Variants in CCDC150 observed in about 807,000 individuals in gnomAD.
The protein encoded by CCDC150 is coiled-coil domain-containing protein 150.
CCDC150 carries 151 observed loss-of-function variants against 156.5 expected under a neutral mutation model. That is an observed-to-expected ratio of 0.97 (90% CI 0.85 to 1.10). The LOEUF (loss-of-function observed/expected upper bound fraction) is 1.10. Among genes scored for constraint, CCDC150 ranks in the 50% least tolerant of loss-of-function variants. The pLI is 0.00. For synonymous variants in CCDC150, 452 were observed against 429.4 expected (o/e 1.05, Z -0.65); for missense variants, 1,312 against 1,268.1 (o/e 1.03, Z -0.53).
chr2:196,696,693 T>C (rs936995569), intron 14 of CCDC150, among the ~76,000 whole-genome samples: 2 of 152,244 alleles, frequency 1.3e-5, no homozygotes, highest in Non-Finnish European at 2.9e-5. Context: ...TTCGGTTGGC[T>C]ATATGAGTTT....
chr2:196,725,182 G>A (rs79372995), intron 21 of CCDC150, among the ~76,000 whole-genome samples: 1 of 152,260 alleles, frequency 6.6e-6, no homozygotes, highest in African/African-American at 2.4e-5. Flanking sequence ...TTTCATGGCA[G>A]GGCAGGCTTC....
At chr2:196,696,954 A>G (rs1695865230) in intron 14 of CCDC150, among the ~76,000 whole-genome samples, 1 of 152,214 alleles carries the variant, frequency 6.6e-6, no homozygotes, top group South Asian at 2.1e-4. Context: ...TGACCTGGGC[A>G]GGTTCTTAAC....
intron 7 of CCDC150, among the ~76,000 whole-genome samples, chr2:196,669,219 A>G (rs975511500): frequency 1.1e-4 from 16 of 152,172 alleles, no homozygotes; most frequent in Non-Finnish European, 2.4e-4. Context: ...TGCCTTGCAG[A>G]TATGTCAAAA....
Position 196,666,805 on chromosome 2 carries a change from A to G in CCDC150, c.849A>G (p.Lys283=). 2.5e-6 allele frequency: 4 copies of G among 1,612,754 alleles called. No individual in the cohort carries two copies. Among genetic ancestry groups the G allele is most frequent in the Non-Finnish European group, 3.4e-6 (4 of 1,178,942 alleles). The part of the protein sequence containing the change: ...QELLAQEQKK[K]EELEIATSQL... ...TACTGGCCCAGGAACAAAAAAAAAA[A>G]GAAGAGTTGGAGATTGCTACTTCAC... Residue 283 remains lysine (K), a synonymous_variant, in exon 7 of 28, where the codon AAA becomes AAG. Transcript: ENST00000389175.
At position 196,697,760 on chromosome 2, in the gene CCDC150, A is replaced by G. The variant is rs143738735; in HGVS notation, c.1623+2601A>G. On this transcript the variant is annotated intron_variant, in intron 14 of 27. Coordinates refer to ENST00000389175, the MANE Select transcript of CCDC150 (RefSeq NM_001080539.2). Reference sequence around the variant, plus strand: ...AGCTTTACCAAGATGCCAGTATCCTACTGGTTTTGTGTATTCTTCTAACAG... The same window carrying G: ...AGCTTTACCAAGATGCCAGTATCCTGCTGGTTTTGTGTATTCTTCTAACAG... Among the ~76,000 whole-genome samples, 813 of 152,310 alleles carry G rather than the reference A, an allele frequency of 5.3e-3. 5 individuals are homozygous for G. The highest frequency in any genetic ancestry group is 0.019 in the African/African-American group (781 of 41,570).
chr2:196,684,760 ATCT>A (rs1695032010), intron 13 of CCDC150, among the ~76,000 whole-genome samples: 1 of 152,108 alleles, frequency 6.6e-6, no homozygotes, highest in Admixed American at 6.5e-5. Flanking sequence ...TAAATGATAC[ATCT>A]TCTTGATGAG....
intron 13 of CCDC150, among the ~76,000 whole-genome samples, chr2:196,687,532 C>G (rs903802325): frequency 1.3e-5 from 2 of 151,950 alleles, no homozygotes; most frequent in African/African-American, 4.8e-5. Flanking sequence ...GATGTATAGT[C>G]TTTCATTCTG....
At chr2:196,695,810 CAA>C (rs1281920360) in intron 14 of CCDC150, among the ~76,000 whole-genome samples, 14 of 83,112 alleles carry the variant, frequency 1.7e-4, no homozygotes, top group Admixed American at 1.4e-4. Flanking sequence ...GATTCCGTCT[CAA>C]AAAAAAAAAA....
In CCDC150 at chr2:196,666,718, G is replaced by T; in HGVS notation, c.763-1G>T. On this transcript the variant is annotated splice_acceptor_variant, in intron 6 of 27. Coordinates refer to ENST00000389175, the MANE Select transcript of CCDC150 (RefSeq NM_001080539.2). LOFTEE classifies it high-confidence loss of function. ...AAAGAGTTTTTCTTATACAATTTCA[G>T]GTGCACATTTTGCAGCAAAACTGCA... 6.3e-7 allele frequency: 1 copy of T among 1,596,508 alleles called. No homozygotes were observed.
At chr2:196,702,056 C>T (rs73045554) in intron 15 of CCDC150, among the ~76,000 whole-genome samples, 13,739 of 151,928 alleles carry the variant, frequency 0.09, 789 homozygotes, top group African/African-American at 0.17. Flanking sequence ...ATAGCAAGAC[C>T]CTGACTCTAC....
Position 196,732,055 on chromosome 2 carries a change from C to G in CCDC150, c.3092C>G (p.Ala1031Gly), listed in dbSNP as rs1213291234. The G allele has an allele frequency of 6.2e-7, 1 of 1,613,678 alleles. No individual in the cohort carries two copies. The highest frequency in any genetic ancestry group is 1.7e-5 in the Admixed American group (1 of 60,006). ...SEQITANLEE[A>G]HRWFKHRFDG... ...CAGATAACAGCTAATCTGGAAGAAGCTCATCGCTGGTTTAAGCACAGGTTT... is the reference window on the plus strand; with the variant it reads ...CAGATAACAGCTAATCTGGAAGAAGGTCATCGCTGGTTTAAGCACAGGTTT... Residue 1031 changes from alanine (A) to glycine (G), a missense_variant, in exon 27 of 28, where the codon GCT becomes GGT. Ala to Gly is a moderately conservative substitution (Grantham distance 60). Coordinates refer to ENST00000389175, the MANE Select transcript of CCDC150 (RefSeq NM_001080539.2).
chr2:196,723,610 T>C (rs1431118496), intron 21 of CCDC150, among the ~76,000 whole-genome samples: 1 of 152,050 alleles, frequency 6.6e-6, no homozygotes, highest in African/African-American at 2.4e-5. Flanking sequence ...GCATTTCAGG[T>C]AGAAGTTGAA....
intron 13 of CCDC150, among the ~76,000 whole-genome samples, chr2:196,679,483 G>A (rs1048119820): frequency 2.6e-5 from 4 of 152,168 alleles, no homozygotes; most frequent in African/African-American, 9.7e-5. Context: ...CATGTTGTGT[G>A]TCAGTAATCT....
At position 196,639,738 on chromosome 2, in the gene CCDC150, T is replaced by C. The variant is rs762732086; in HGVS notation, c.-29T>C. 4 of 1,543,344 alleles carry C rather than the reference T, an allele frequency of 2.6e-6. No individual in the cohort carries two copies. The African/African-American group carries it at 4.1e-5, about 16-fold the overall frequency. On this transcript the variant is annotated 5_prime_UTR_variant, in exon 1 of 28. Coordinates refer to ENST00000389175, the MANE Select transcript of CCDC150 (RefSeq NM_001080539.2). Reference sequence around the variant, plus strand: ...TTAGTTCCACGGAAACCCGCTCGCCTGCTGCAGTACGGAGCCTCAGGCGGA... The same window carrying C: ...TTAGTTCCACGGAAACCCGCTCGCCCGCTGCAGTACGGAGCCTCAGGCGGA...
intron 17 of CCDC150, among the ~76,000 whole-genome samples, chr2:196,717,805 C>A (rs536983540): frequency 3.9e-5 from 6 of 151,986 alleles, no homozygotes; most frequent in Admixed American, 1.3e-4. Flanking sequence ...TCAGGAGAAT[C>A]GCTTGATCCC....
chr2:196,692,323 A>G (rs1695538108), intron 13 of CCDC150, among the ~76,000 whole-genome samples: 1 of 149,882 alleles, frequency 6.7e-6, no homozygotes, highest in African/African-American at 2.5e-5. Context: ...TTTAGTAGAG[A>G]CGGGGTTTCA....
At chr2:196,693,184 G>T (rs1282927877) in intron 13 of CCDC150, among the ~76,000 whole-genome samples, 1 of 151,802 alleles carries the variant, frequency 6.6e-6, no homozygotes, top group Non-Finnish European at 1.5e-5. Flanking sequence ...CCATTATTTT[G>T]AGCCCCTGAC....
intron 2 of CCDC150, among the ~76,000 whole-genome samples, chr2:196,653,975 T>TGAAGAA (rs1021563714): frequency 6.6e-6 from 1 of 152,062 alleles, no homozygotes; most frequent in Non-Finnish European, 1.5e-5. Flanking sequence ...GGGGAGCAGG[T>TGAAGAA]GAAGAAGAAG....
intron 17 of CCDC150, chr2:196,713,198 T>A (rs1697255686): frequency 9.0e-7 from 1 of 1,110,110 alleles, no homozygotes; most frequent in Admixed American, 3.5e-5. Context: ...TATTTTACAG[T>A]GTGATCTCTT....
Sources: allele counts gnomAD v4.1 joint callset (sites outside exome capture counted in the v4.1 genomes callset), GRCh38; gene constraint gnomAD v4.1.1; transcripts MANE v1.5; gene names NCBI Gene and HGNC (gene_info 2026-07-23, HGNC 2026-07-21).